Variants in ZFHX2 observed in about 807,000 individuals in gnomAD.
ZFHX2 encodes zinc finger homeobox protein 2.
ZFHX2 carries 75 observed loss-of-function variants against 164.8 expected under a neutral mutation model. That is an observed-to-expected ratio of 0.46 (90% CI 0.38 to 0.55). The LOEUF is 0.55. Among genes scored for constraint, ZFHX2 ranks in the 20% least tolerant of loss-of-function variants. ZFHX2 has a pLI of 0.00. For missense variants in ZFHX2, 2,933 were observed against 3,308.0 expected, an observed-to-expected ratio of 0.89 and a Z score of 2.78; for synonymous variants, 1,217 against 1,351.4, an observed-to-expected ratio of 0.90 and a Z score of 2.18.
chr14:23,524,833 TTCC>T lies in ZFHX2; in HGVS notation c.5106_5108del (p.Glu1704del), dbSNP rs1199726725. 4 of 1,536,920 alleles carry T rather than the reference TTCC, an allele frequency of 2.6e-6. No homozygotes were observed. The highest frequency in any genetic ancestry group is 3.5e-6 in the Non-Finnish European group (4 of 1,147,140). On this transcript the variant is annotated inframe_deletion, in exon 9 of 10. Coordinates refer to ENST00000419474, the MANE Select transcript of ZFHX2 (RefSeq NM_033400.3). The surrounding 1 kb of genome is among the most constrained non-coding windows in gnomAD (Gnocchi z 5.6). ...CCTCCTCTTCCCCTCTCTCTGCCTCTTCCTCCTCCTCTTCAAGGGTCTGGTCAT... is the reference window on the plus strand; with the variant it reads ...CCTCCTCTTCCCCTCTCTCTGCCTCTTCCTCCTCTTCAAGGGTCTGGTCAT...
chr14:23,526,083 C>G lies in ZFHX2; in HGVS notation c.3859G>C (p.Gly1287Arg). 2 of 1,536,518 alleles carry G rather than the reference C, an allele frequency of 1.3e-6. No individual in the cohort carries two copies. The highest frequency in any genetic ancestry group is 1.7e-6 in the Non-Finnish European group (2 of 1,146,946). Residue 1287 changes from glycine to arginine, a missense_variant, in exon 9 of 10, where the codon GGG becomes CGG. Physicochemically the swap from Gly to Arg is moderately radical, Grantham distance 125. Coordinates refer to ENST00000419474, the MANE Select transcript of ZFHX2 (RefSeq NM_033400.3). ...GGCTCTTCTTGGCTGCGTTCTGGCC[C>G]TTCAATCTTGGAATCAGTCTTGGTT... ...RGTKTDSKIE[G>R]PERSQEEPKE...
intron 8 of ZFHX2, 25 bp from the exon 9 acceptor site, chr14:23,526,704 A>C: frequency 6.5e-7 from 1 of 1,535,794 alleles, no homozygotes. Flanking sequence ...AGAAAGTACA[A>C]TGAGGAGGGA....
Position 23,535,015 on chromosome 14 carries a change from C to CCTT in ZFHX2, c.308_310dup (p.Glu103dup), listed in dbSNP as rs982506323. 4.6e-6 allele frequency: 7 copies of CCTT among 1,536,054 alleles called. 1 individual carries two copies. The East Asian group carries it at 1.7e-4, about 38-fold the overall frequency. ...GTTGCTTAGGTCCATGGGAGGGAGC[C>CCTT]CTTCTTCTTCCTCCTCCTGCTCCTT... On this transcript the variant is annotated inframe_insertion, in exon 2 of 10. Transcript: ENST00000419474. This position sits in a 1 kb window ranked among gnomAD's most constrained non-coding sequence, Gnocchi z 4.5.
rs1360195127 is a variant in ZFHX2, at chr14:23,523,679, C to T, written c.6263G>A (p.Arg2088His). Residue 2088 changes from arginine (R) to histidine (H), a missense_variant, in exon 9 of 10, where the codon CGC becomes CAC. Transcript: ENST00000419474. The surrounding 1 kb of genome is among the most constrained non-coding windows in gnomAD (Gnocchi z 4.1). ...CTCACACTCCTGCATGGTGGGGGTG[C>T]GGTAAGCTTCATAGCAGGCTTTCAT... Reference protein sequence around the residue: ...KIMKACYEAYRTPTMQECEVL... With the variant: ...KIMKACYEAYHTPTMQECEVL... The T allele has an allele frequency of 1.9e-6, 3 of 1,538,898 alleles. No individual in the cohort carries two copies. The highest frequency in any genetic ancestry group is 2.0e-5 in the Admixed American group (1 of 51,150).
intron 1 of ZFHX2, among the ~76,000 whole-genome samples, chr14:23,547,754 A>G (rs1397676712): frequency 6.6e-6 from 1 of 152,124 alleles, no homozygotes; most frequent in Non-Finnish European, 1.5e-5. Flanking sequence ...TTAGGTGGGC[A>G]ACTCTTTCCC....
rs1335483034 is a variant in ZFHX2, at chr14:23,534,475, C to T, written c.851G>A (p.Gly284Asp). Residue 284 changes from glycine (G) to aspartate (D), a missense_variant, in exon 2 of 10, where the codon GGC becomes GAC. Coordinates refer to ENST00000419474, the MANE Select transcript of ZFHX2 (RefSeq NM_033400.3). This position sits in a 1 kb window ranked among gnomAD's most constrained non-coding sequence, Gnocchi z 4.5. ...SPAVLQEGDE[G>D]CKALISFLEP... ...CAGAAAGCTTATGAGGGCCTTGCAG[C>T]CTTCATCTCCCTCCTGGAGTACAGC... 1 of 1,536,152 alleles carries T rather than the reference C, an allele frequency of 6.5e-7. No individual in the cohort carries two copies. The highest frequency in any genetic ancestry group is 1.4e-5 in the African/African-American group (1 of 73,040).
chr14:23,526,471 G>A lies in ZFHX2; in HGVS notation c.3471C>T (p.Leu1157=). The stretch of plus-strand genomic sequence containing the variant: ...CAGCTGGAGCTGGCTCTGCAGAGCG[G>A]AGCTCCCCAGTGGTCCCCTCTTCCT... ...AEEEEGTTGE[L]RSAEPAPADS... Residue 1157 remains leucine (L), a synonymous_variant, in exon 9 of 10, where the codon CTC becomes CTT. Coordinates refer to ENST00000419474, the MANE Select transcript of ZFHX2 (RefSeq NM_033400.3). 2 of 1,536,134 alleles carry A rather than the reference G, an allele frequency of 1.3e-6. No homozygotes were observed. Among genetic ancestry groups the A allele is most frequent in the Non-Finnish European group, 1.7e-6 (2 of 1,146,892 alleles).
chr14:23,534,262 G>T lies in ZFHX2; in HGVS notation c.1064C>A (p.Pro355His). Residue 355 changes from proline (P) to histidine (H), a missense_variant, in exon 2 of 10, where the codon CCC becomes CAC. By Grantham distance (77) the Pro-to-His change is moderately conservative (BLOSUM62 -2). Transcript: ENST00000419474. This position sits in a 1 kb window ranked among gnomAD's most constrained non-coding sequence, Gnocchi z 4.5. ...PPSPPTATWD[P>H]SPTQAKESPV... ...CGATTCTTTGGCTTGGGTTGGGCTG[G>T]GGTCCCAGGTGGCTGTGGGTGGAGA... 4 of 1,529,428 alleles carry T rather than the reference G, an allele frequency of 2.6e-6. No homozygotes were observed. Among genetic ancestry groups the T allele is most frequent in the Non-Finnish European group, 3.5e-6 (4 of 1,142,462 alleles). 94.7% of individuals were successfully genotyped at this position (1,529,428 alleles called of 1,614,324 possible). A position where few individuals can be genotyped will look rare whatever the true frequency, so the allele number is the denominator to read the frequency against.
upstream of ZFHX2, among the ~76,000 whole-genome samples, chr14:23,553,666 G>T (rs564368792): frequency 6.6e-6 from 1 of 151,822 alleles, no homozygotes; most frequent in Non-Finnish European, 1.5e-5. Flanking sequence ...AGGTGGAGGC[G>T]GGTGGATCAC....
intron 7 of ZFHX2, among the ~76,000 whole-genome samples, chr14:23,527,192 A>C (rs936978642): frequency 3.9e-5 from 6 of 152,028 alleles, no homozygotes; most frequent in African/African-American, 1.5e-4. Context: ...CCCAAACCAG[A>C]AGTCATCATT....
At position 23,524,760 on chromosome 14, in the gene ZFHX2, G is replaced by A. The variant is rs1385630126; in HGVS notation, c.5182C>T (p.Pro1728Ser). 19 of 1,536,304 alleles carry A rather than the reference G, an allele frequency of 1.2e-5. No homozygotes were observed. The highest frequency in any genetic ancestry group is 1.7e-5 in the Non-Finnish European group (19 of 1,146,964). The stretch of plus-strand genomic sequence containing the variant: ...GGTAATGGGCCCTCAGGCCCTGCTG[G>A]AGGTTCAAGGCCCTGTTCCTCCTCT... ...EVEEEQGLEP[P>S]AGPEGPLPEP... The change falls in exon 9 of 10, where the codon CCA becomes TCA. Residue 1728 changes from proline to serine, a missense_variant. Transcript: ENST00000419474. The surrounding 1 kb of genome is among the most constrained non-coding windows in gnomAD (Gnocchi z 5.6).
Position 23,551,440 on chromosome 14 carries a change from G to T in ZFHX2, c.-147C>A, listed in dbSNP as rs1472555373. ...GGCTCTTGGAAGGGACTTCTCCGATGTGTTGATTCCTCTTTTTTCCCCTCC... is the reference window on the plus strand; with the variant it reads ...GGCTCTTGGAAGGGACTTCTCCGATTTGTTGATTCCTCTTTTTTCCCCTCC... On this transcript the variant is annotated 5_prime_UTR_variant, in exon 1 of 10. Transcript: ENST00000419474. This position sits in a 1 kb window ranked among gnomAD's most constrained non-coding sequence, Gnocchi z 5.3. 6.6e-6 allele frequency: 1 copy of T among 152,446 alleles called. No individual in the cohort carries two copies. The highest frequency in any genetic ancestry group is 1.5e-5 in the Non-Finnish European group (1 of 68,000). The allele number at this position is 152,446 out of a possible 1,614,324, so 9.4% of individuals were successfully genotyped here. A position where few individuals can be genotyped will look rare whatever the true frequency, so the allele number is the denominator to read the frequency against.
At chr14:23,530,229 G>C in intron 4 of ZFHX2, 35 bp from the exon 5 acceptor site, 1 of 1,464,194 alleles carries the variant, frequency 6.8e-7, no homozygotes, top group African/African-American at 1.4e-5. Context: ...GCTTAAAGAG[G>C]TGTGGCATCA....
upstream of ZFHX2, among the ~76,000 whole-genome samples, chr14:23,552,199 T>C (rs1201195404): frequency 6.6e-6 from 1 of 152,008 alleles, no homozygotes; most frequent in East Asian, 1.9e-4. Context: ...TTCTGCCTCC[T>C]CCACACGGTT....
upstream of ZFHX2, among the ~76,000 whole-genome samples, chr14:23,554,038 CAAAAAAAAAAAAAAA>C (rs61363455): frequency 2.8e-5 from 1 of 36,040 alleles, no homozygotes; most frequent in Non-Finnish European, 6.0e-5. Context: ...GACTCTGTCT[CAAAAAAAAAAAAAAA>C]AAAAAAAAAA....
At position 23,524,540 on chromosome 14, in the gene ZFHX2, G is replaced by T. The variant is rs764169611; in HGVS notation, c.5402C>A (p.Pro1801His). 62 of 1,527,256 alleles carry T rather than the reference G, an allele frequency of 4.1e-5. No individual in the cohort carries two copies. The highest frequency in any genetic ancestry group is 5.5e-5 in the African/African-American group (4 of 72,888). 94.6% of individuals were successfully genotyped at this position (1,527,256 alleles called of 1,614,324 possible). Residue 1801 changes from proline (P) to histidine (H), a missense_variant, in exon 9 of 10, where the codon CCC (proline) becomes CAC (histidine). Pro to His is a moderately conservative substitution (Grantham distance 77). Coordinates refer to ENST00000419474, the MANE Select transcript of ZFHX2 (RefSeq NM_033400.3). The surrounding 1 kb of genome is among the most constrained non-coding windows in gnomAD (Gnocchi z 5.6). ...HFLPSLQPSA[P>H]PQLLDLPLLV... ...CAAGGGCAGATCTAGGAGTTGGGGGGGAGCACTGGGCTGCAGAGATGGCAG... is the reference window on the plus strand; with the variant it reads ...CAAGGGCAGATCTAGGAGTTGGGGGTGAGCACTGGGCTGCAGAGATGGCAG...
intron 6 of ZFHX2, 96 bp from the exon 7 acceptor site, chr14:23,527,900 CCTT>C (rs1878966053): frequency 3.7e-6 from 3 of 808,460 alleles, no homozygotes; most frequent in East Asian, 5.9e-5. Context: ...CGCCCCCACT[CCTT>C]TTTTTTTTTT....
chr14:23,541,539 G>A (rs1035353369), intron 1 of ZFHX2, among the ~76,000 whole-genome samples: 4 of 151,908 alleles, frequency 2.6e-5, no homozygotes, highest in Non-Finnish European at 5.9e-5. Context: ...TGCCCACCTC[G>A]CCCTCCCAAA....
intron 4 of ZFHX2, 144 bp downstream of exon 4, chr14:23,531,337 C>T: frequency 8.2e-7 from 1 of 1,216,410 alleles, no homozygotes; most frequent in Non-Finnish European, 1.1e-6. Flanking sequence ...CTGTCTTATC[C>T]CTTCGCAGCT....
Sources: allele counts gnomAD v4.1 joint callset (sites outside exome capture counted in the v4.1 genomes callset), GRCh38; gene constraint gnomAD v4.1.1; non-coding constraint Gnocchi (gnomAD v3.1); transcripts MANE v1.5; gene names NCBI Gene and HGNC (gene_info 2026-07-23, HGNC 2026-07-21).